The following AFG3L2 variants were observed in gnomAD, a reference collection of about 807,000 sequenced individuals.
AFG3L2 encodes AFG3 like matrix AAA peptidase subunit 2, also known as mitochondrial inner membrane m-AAA protease component AFG3L2.
Under a neutral mutation model 94.5 loss-of-function variants are expected in AFG3L2, and 54 were observed. That is an observed-to-expected ratio of 0.57 (90% CI 0.46 to 0.72). AFG3L2 has a LOEUF of 0.72. AFG3L2 is among the 30% of genes least tolerant of loss of function. The pLI is 0.00. For synonymous variants in AFG3L2, 377 were observed against 365.5 expected (o/e 1.03, Z -0.36); for missense variants, 754 against 994.9 (o/e 0.76, Z 3.26).
rs1908303755 is a variant in AFG3L2, at chr18:12,351,160, G to A, written c.1477C>T (p.Pro493Ser). Reference sequence around the variant, plus strand: ...TCCAGGGTACTGTCCAGTTTTAGCGGTCGGAGATGAACTTTGAAAATAGAA... The same window carrying A: ...TCCAGGGTACTGTCCAGTTTTAGCGATCGGAGATGAACTTTGAAAATAGAA... ...RASIFKVHLRPLKLDSTLEKD... is the reference protein window; with the variant it reads ...RASIFKVHLRSLKLDSTLEKD... The change falls in exon 12 of 17, where the codon CCG (proline) becomes TCG (serine). Residue 493 changes from proline (P) to serine (S), a missense_variant. Coordinates refer to ENST00000269143, the MANE Select transcript of AFG3L2 (RefSeq NM_006796.3). 10 of 1,614,022 alleles carry A rather than the reference G, an allele frequency of 6.2e-6. No homozygotes were observed. In the East Asian group the frequency reaches 2.2e-4, roughly 36 times the overall value.
rs532751601 is a variant in AFG3L2 at position 12,329,777 on chromosome 18, G to A, written c.2182C>T (p.Leu728Phe). The change falls in exon 17 of 17, where the codon CTT becomes TTT. Residue 728 changes from leucine to phenylalanine, a missense_variant. Physicochemically the swap from Leu to Phe is conservative, Grantham distance 22. Coordinates refer to ENST00000269143, the MANE Select transcript of AFG3L2 (RefSeq NM_006796.3). The part of the protein sequence containing the change: ...EKKADVEKVA[L>F]LLLEKEVLDK... The stretch of plus-strand genomic sequence containing the variant: ...AATACTTCTTTTTCTAACAACAGAA[G>A]AGCAACCTGAAATATGAACAATTTT... The A allele has an allele frequency of 8.7e-6, 14 of 1,612,894 alleles. No homozygotes were observed. In the East Asian group the frequency reaches 8.9e-5, roughly 10 times the overall value.
At chr18:12,363,437 T>C (rs1354440706) in intron 6 of AFG3L2, among the ~76,000 whole-genome samples, 1 of 152,194 alleles carries the variant, frequency 6.6e-6, no homozygotes, top group African/African-American at 2.4e-5. Context: ...ACATAGGCAA[T>C]TGAGATTTTA....
chr18:12,336,809 G>A (rs926055052), intron 16 of AFG3L2, among the ~76,000 whole-genome samples: 1 of 151,992 alleles, frequency 6.6e-6, no homozygotes. Flanking sequence ...AGTTCAGAAA[G>A]GGTCCCTTCC....
intron 3 of AFG3L2, among the ~76,000 whole-genome samples, chr18:12,368,194 AAAAAT>A (rs1347210506): frequency 4.0e-5 from 6 of 151,866 alleles, no homozygotes; most frequent in African/African-American, 1.2e-4. Context: ...TAAAAAATAA[AAAAAT>A]AAAATAAAAA....
chr18:12,364,717 G>C (rs1392495419), intron 5 of AFG3L2, among the ~76,000 whole-genome samples: 2 of 152,048 alleles, frequency 1.3e-5, no homozygotes, highest in Non-Finnish European at 2.9e-5. Context: ...TCAGGCTGGA[G>C]TGCAGTGGTA....
intron 1 of AFG3L2, among the ~76,000 whole-genome samples, chr18:12,372,625 T>C (rs565106650): frequency 6.6e-6 from 1 of 152,110 alleles, no homozygotes; most frequent in South Asian, 2.1e-4. Context: ...AGTCAAAAAG[T>C]AGGAACAAGC....
intron 6 of AFG3L2, among the ~76,000 whole-genome samples, chr18:12,363,242 G>A (rs1180786430): frequency 1.3e-5 from 2 of 152,066 alleles, no homozygotes; most frequent in African/African-American, 4.8e-5. Flanking sequence ...CTCCCCTCCA[G>A]AATTCCCTCA....
intron 9 of AFG3L2, among the ~76,000 whole-genome samples, chr18:12,353,514 C>CAAAAAAAAAAAAAAAAAAAAAAATAA (rs1908389459): frequency 1.2e-5 from 1 of 81,062 alleles, no homozygotes; most frequent in Non-Finnish European, 2.4e-5. Flanking sequence ...AATTCTGTCT[C>CAAAAAAAAAAAAAAAAAAAAAAATAA]AAAAAAAAAA....
chr18:12,331,786 T>C (rs1907532359), intron 16 of AFG3L2, among the ~76,000 whole-genome samples: 1 of 93,756 alleles, frequency 1.1e-5, no homozygotes, highest in African/African-American at 3.7e-5. Context: ...AGAGGGAGAG[T>C]CTGTCTAAAA....
intron 8 of AFG3L2, 148 bp downstream of exon 8, chr18:12,358,522 C>A: frequency 9.7e-7 from 1 of 1,029,304 alleles, no homozygotes. Context: ...CCAAAACGAT[C>A]CTCGAGTTGG....
intron 7 of AFG3L2, among the ~76,000 whole-genome samples, chr18:12,359,649 G>A (rs902246894): frequency 5.3e-5 from 8 of 152,086 alleles, no homozygotes; most frequent in African/African-American, 1.9e-4. Flanking sequence ...TGAGGCAGGA[G>A]AATCGCGTGA....
Position 12,329,233 on chromosome 18 carries a change from G to A in AFG3L2, c.*332C>T. ...TCCCTTCCCACACGCCAAGAGTCCAGTGCAACGATCCCTGCCACACGGTCA... is the reference window on the plus strand; with the variant it reads ...TCCCTTCCCACACGCCAAGAGTCCAATGCAACGATCCCTGCCACACGGTCA... On this transcript the variant is annotated 3_prime_UTR_variant, in exon 17 of 17. Coordinates refer to ENST00000269143, the MANE Select transcript of AFG3L2 (RefSeq NM_006796.3). 1 of 702,644 alleles carries A rather than the reference G, an allele frequency of 1.4e-6. No homozygotes were observed. The highest frequency in any genetic ancestry group is 2.6e-6 in the Non-Finnish European group (1 of 384,998). 43.5% of individuals were successfully genotyped at this position (702,644 alleles called of 1,614,324 possible).
intron 6 of AFG3L2, 90 bp from the exon 7 acceptor site, chr18:12,360,141 A>G (rs1294057134): frequency 8.3e-7 from 1 of 1,205,212 alleles, no homozygotes; most frequent in African/African-American, 1.5e-5. Flanking sequence ...AGAATTTTCC[A>G]GAAATACTGA....
chr18:12,366,478 G>GC (rs1385469096), intron 5 of AFG3L2, among the ~76,000 whole-genome samples: 1 of 152,130 alleles, frequency 6.6e-6, no homozygotes, highest in East Asian at 1.9e-4. Context: ...CTCCCTTAGA[G>GC]CCCCATCTGC....
rs1374964062 is a variant in AFG3L2 at position 12,370,475 on chromosome 18, TTTTTC to T, written c.292+369_292+373del. On this transcript the variant is annotated intron_variant, in intron 3 of 16. Coordinates refer to ENST00000269143, the MANE Select transcript of AFG3L2 (RefSeq NM_006796.3). ...TTACTATAACTTTCTTTTTTTTTTT[TTTTTC>T]TTTTTTTTTTGAGACAGGGTCTCTC... Among the ~76,000 whole-genome samples the T allele has an allele frequency of 4.4e-4, 50 of 112,934 alleles. 1 individual carries two copies. The highest frequency in any genetic ancestry group is 2.4e-3 in the African/African-American group (44 of 18,320). 74.1% of individuals were successfully genotyped at this position (112,934 alleles called of 152,430 possible).
rs556692564 is a variant in AFG3L2 at position 12,372,928 on chromosome 18, C to T, written c.115-1237G>A. 5.1e-4 allele frequency among the ~76,000 whole-genome samples: 78 copies of T among 152,264 alleles called. 1 individual carries two copies. Among genetic ancestry groups the T allele is most frequent in the African/African-American group, 1.8e-3 (76 of 41,532 alleles). ...TTACTAATGGTCGCAGGGCTTCTTTCTGGAGTGCTGAAAATGTTCTGGAAT... is the reference window on the plus strand; with the variant it reads ...TTACTAATGGTCGCAGGGCTTCTTTTTGGAGTGCTGAAAATGTTCTGGAAT... On this transcript the variant is annotated intron_variant, in intron 1 of 16. Transcript: ENST00000269143.
intron 13 of AFG3L2, among the ~76,000 whole-genome samples, chr18:12,346,778 C>T (rs1908150674): frequency 6.6e-6 from 1 of 151,898 alleles, no homozygotes; most frequent in Admixed American, 6.6e-5. Flanking sequence ...GTGGCACGCA[C>T]CTGTAATCCC....
chr18:12,333,599 A>G (rs1907654401), intron 16 of AFG3L2, among the ~76,000 whole-genome samples: 2 of 151,944 alleles, frequency 1.3e-5, no homozygotes, highest in African/African-American at 4.8e-5. Context: ...TCCTGGGCTC[A>G]AGTGATCCAC....
At chr18:12,345,623 C>A (rs1049009752) in intron 13 of AFG3L2, among the ~76,000 whole-genome samples, 2 of 152,184 alleles carry the variant, frequency 1.3e-5, no homozygotes, top group African/African-American at 4.8e-5. Context: ...AGGAGTCATT[C>A]ATTTTCTCAG....
Sources: gnomAD v4.1 joint callset for allele counts (sites outside exome capture counted in the v4.1 genomes callset) on GRCh38, gnomAD v4.1.1 for gene constraint, MANE v1.5 for transcripts, NCBI Gene and HGNC (gene_info 2026-07-23, HGNC 2026-07-21) for gene names.